STON2: variants seen among roughly 807,000 people sequenced by gnomAD.
STON2 encodes the protein stonin 2, also known as stonin-2.
STON2 carries 29 observed loss-of-function variants against 65.7 expected under a neutral mutation model. That is an observed-to-expected ratio of 0.44 (90% CI 0.33 to 0.60). The LOEUF (loss-of-function observed/expected upper bound fraction) is 0.60. Ranked by LOEUF, STON2 falls within the 20% of genes least tolerant of loss-of-function variation. The probability of loss-of-function intolerance (pLI) is 0.03; values close to 1 mark genes in which losing one functional copy is unlikely to be tolerated. For synonymous variants in STON2, 404 were observed against 414.2 expected (o/e 0.98, Z 0.30); for missense variants, 1,054 against 1,118.1 (o/e 0.94, Z 0.82).
At chr14:81,432,332 C>T (rs1403339400) in intron 1 of STON2, among the ~76,000 whole-genome samples, 1 of 152,044 alleles carries the variant, frequency 6.6e-6, no homozygotes, top group East Asian at 1.9e-4. Context: ...TAACTTGCTC[C>T]ATCTCGTAGT....
rs145970930 is a variant in STON2 at position 81,297,753 on chromosome 14, G to A, written c.743-19014C>T. ...TCAATAGAAAGTAATAAAAATAACT[G>A]GCCAGCTGGGCACAGTGGCTCACGC... On this transcript the variant is annotated intron_variant, in intron 5 of 7. Coordinates refer to ENST00000614646, the MANE Select transcript of STON2 (RefSeq NM_001394390.1). 2.4e-3 allele frequency among the ~76,000 whole-genome samples: 365 copies of A among 152,270 alleles called. 6 individuals are homozygous for A. Among genetic ancestry groups the A allele is most frequent in the African/African-American group, 8.4e-3 (349 of 41,538 alleles).
chr14:81,433,820 G>A (rs1902307441), intron 1 of STON2, among the ~76,000 whole-genome samples: 1 of 152,236 alleles, frequency 6.6e-6, no homozygotes. Flanking sequence ...CATGCAGCAT[G>A]AGAGGGAACT....
intron 5 of STON2, among the ~76,000 whole-genome samples, chr14:81,300,886 C>T (rs781278389): frequency 5.9e-5 from 9 of 152,234 alleles, no homozygotes; most frequent in Admixed American, 2.6e-4. Context: ...AGAATGTTCA[C>T]AGCAGCTTTA....
chr14:81,354,314 G>C (rs1037405215), intron 4 of STON2, among the ~76,000 whole-genome samples: 1 of 152,220 alleles, frequency 6.6e-6, no homozygotes, highest in Non-Finnish European at 1.5e-5. Flanking sequence ...CTGAAAGCAA[G>C]TTCTGTCTTT....
chr14:81,395,900 C>G lies in STON2; in HGVS notation c.367G>C (p.Glu123Gln). ...GCCCTTCCTACCTCCTCACCTGTCT[C>G]AGCTGTTTCCTGATGAGGTGGAGAT... ...STSPPHQETA[E>Q]TALPLTMPCW... The change falls in exon 3 of 8, where the codon GAG becomes CAG. Residue 123 changes from glutamate to glutamine, a missense_variant. Physicochemically the swap from Glu to Gln is conservative, Grantham distance 29. Coordinates refer to ENST00000614646, the MANE Select transcript of STON2 (RefSeq NM_001394390.1). 2 of 1,614,090 alleles carry G rather than the reference C, an allele frequency of 1.2e-6. No homozygotes were observed. The highest frequency in any genetic ancestry group is 1.7e-6 in the Non-Finnish European group (2 of 1,179,994).
At chr14:81,289,060 G>T (rs1895451705) in intron 5 of STON2, among the ~76,000 whole-genome samples, 1 of 152,140 alleles carries the variant, frequency 6.6e-6, no homozygotes, top group Non-Finnish European at 1.5e-5. Flanking sequence ...TGCCCACCAG[G>T]TGAACACACC....
intron 3 of STON2, among the ~76,000 whole-genome samples, chr14:81,388,366 C>T (rs191800696): frequency 6.6e-6 from 1 of 152,268 alleles, no homozygotes; most frequent in East Asian, 1.9e-4. Flanking sequence ...AAGTTGTTGC[C>T]TTGATGATTT....
chr14:81,422,557 T>C (rs1901756175), intron 2 of STON2, among the ~76,000 whole-genome samples: 1 of 151,948 alleles, frequency 6.6e-6, no homozygotes, highest in Non-Finnish European at 1.5e-5. Flanking sequence ...TAGTCAATAC[T>C]ATGATAATAC....
chr14:81,345,671 G>GGATGGTTT (rs756731753), intron 4 of STON2, among the ~76,000 whole-genome samples: 1 of 152,066 alleles, frequency 6.6e-6, no homozygotes, highest in Non-Finnish European at 1.5e-5. Flanking sequence ...TGAGATGGGA[G>GGATGGTTT]GATGGTTTGA....
At chr14:81,373,182 A>C (rs1326616758) in intron 3 of STON2, among the ~76,000 whole-genome samples, 2 of 152,200 alleles carry the variant, frequency 1.3e-5, no homozygotes, top group Admixed American at 1.3e-4. Flanking sequence ...CCATTCCTGG[A>C]ATAGTGCCTG....
intron 5 of STON2, among the ~76,000 whole-genome samples, chr14:81,283,809 G>A (rs544843897): frequency 2.0e-4 from 31 of 152,308 alleles, no homozygotes; most frequent in African/African-American, 4.8e-4. Context: ...GATTACAGGC[G>A]TGAGCCACTG....
chr14:81,371,316 T>G (rs1898981995), intron 3 of STON2, 131 bp from the exon 4 acceptor site: 2 of 799,614 alleles, frequency 2.5e-6, no homozygotes. Flanking sequence ...AAGGAAGTCT[T>G]GTATGGAGAG....
intron 5 of STON2, among the ~76,000 whole-genome samples, chr14:81,289,838 G>T (rs1895485052): frequency 6.6e-6 from 1 of 152,168 alleles, no homozygotes; most frequent in Non-Finnish European, 1.5e-5. Context: ...CCGTTGGCCA[G>T]GGTTTGTGGG....
intron 7 of STON2, chr14:81,269,418 CAG>C: frequency 1.0e-6 from 1 of 985,410 alleles, no homozygotes; most frequent in South Asian, 4.7e-5. Flanking sequence ...AAGAAATTAA[CAG>C]ATTAATCTTT....
intron 5 of STON2, among the ~76,000 whole-genome samples, chr14:81,297,337 A>G (rs1345360427): frequency 3.9e-5 from 6 of 152,204 alleles, no homozygotes; most frequent in Admixed American, 3.3e-4. Context: ...GTTAGGTGAC[A>G]TGGCCAAAGT....
chr14:81,393,027 C>G (rs1336680032), intron 3 of STON2, among the ~76,000 whole-genome samples: 1 of 152,148 alleles, frequency 6.6e-6, no homozygotes, highest in East Asian at 1.9e-4. Flanking sequence ...CAGGAGACAG[C>G]AAGGTCTATG....
intron 5 of STON2, 131 bp from the exon 6 acceptor site, chr14:81,278,870 G>T: frequency 1.5e-6 from 1 of 669,300 alleles, no homozygotes; most frequent in Non-Finnish European, 2.4e-6. Flanking sequence ...CTCATTATCT[G>T]TTTCAAGTGC....
intron 4 of STON2, among the ~76,000 whole-genome samples, chr14:81,364,314 A>G (rs1254586035): frequency 6.6e-6 from 1 of 152,222 alleles, no homozygotes; most frequent in Non-Finnish European, 1.5e-5. Flanking sequence ...TATAGTTTTG[A>G]GTCTGCTGAA....
rs893780307 is a variant in STON2 at position 81,266,872 on chromosome 14, T to C, written c.*1542A>G. ...CACACTCCACTCTGTACTTAGAGGGTTGCATTTTAAAAACCCAGAATATAG... is the reference window on the plus strand; with the variant it reads ...CACACTCCACTCTGTACTTAGAGGGCTGCATTTTAAAAACCCAGAATATAG... On this transcript the variant is annotated 3_prime_UTR_variant, in exon 8 of 8. Transcript: ENST00000614646. 5.1e-6 allele frequency: 5 copies of C among 981,070 alleles called. No homozygotes were observed. Among genetic ancestry groups the C allele is most frequent in the Non-Finnish European group, 6.1e-6 (5 of 826,066 alleles). The allele number at this position is 981,070 out of a possible 1,614,324, so 60.8% of individuals were successfully genotyped here.
Sources: gnomAD v4.1 joint callset for allele counts (sites outside exome capture counted in the v4.1 genomes callset) on GRCh38, gnomAD v4.1.1 for gene constraint, MANE v1.5 for transcripts, NCBI Gene and HGNC (gene_info 2026-07-23, HGNC 2026-07-21) for gene names.